The following KCNN3 variants were observed in gnomAD, a reference collection of about 807,000 sequenced individuals.
KCNN3 encodes potassium calcium-activated channel subfamily N member 3, also known as small conductance calcium-activated potassium channel protein 3.
Under a neutral mutation model 62.9 loss-of-function variants are expected in KCNN3, and 16 were observed. The ratio of observed to expected loss-of-function variants is 0.25; its 90% CI spans 0.17 to 0.39. The LOEUF is 0.39. Ranked by LOEUF, KCNN3 falls within the 10% of genes least tolerant of loss-of-function variation. KCNN3 has a pLI of 1.00. For synonymous variants in KCNN3, 370 were observed against 389.2 expected (o/e 0.95, Z 0.58); for missense variants, 599 against 949.4 (o/e 0.63, Z 4.85).
intron 2 of KCNN3, among the ~76,000 whole-genome samples, chr1:154,804,396 G>T (rs1268079867): frequency 1.3e-5 from 2 of 152,228 alleles, no homozygotes; most frequent in Non-Finnish European, 2.9e-5. Flanking sequence ...TTCATGATAT[G>T]CCTTCACGAC....
At chr1:154,784,061 C>T (rs1649174600) in intron 2 of KCNN3, among the ~76,000 whole-genome samples, 1 of 152,116 alleles carries the variant, frequency 6.6e-6, no homozygotes, top group Admixed American at 6.5e-5. Context: ...TCCAAGCCCC[C>T]AGAGACCAGT....
chr1:154,751,053 G>C (rs188063878), intron 3 of KCNN3, among the ~76,000 whole-genome samples: 3 of 152,296 alleles, frequency 2.0e-5, no homozygotes, highest in Non-Finnish European at 1.5e-5. Flanking sequence ...CTGGGCATCT[G>C]GTGCACTTCT....
chr1:154,863,747 C>T (rs1652855193), intron 1 of KCNN3, among the ~76,000 whole-genome samples: 1 of 152,226 alleles, frequency 6.6e-6, no homozygotes, highest in South Asian at 2.1e-4. Context: ...GCATCAGCCG[C>T]CTTTCTACTT....
At chr1:154,727,598 A>G (rs1700498055) in intron 4 of KCNN3, among the ~76,000 whole-genome samples, 3 of 152,228 alleles carry the variant, frequency 2.0e-5, no homozygotes, top group Admixed American at 6.5e-5. Context: ...GCCTTGTCAC[A>G]AAGTGAAAAG....
chr1:154,833,364 C>T (rs1571320862), intron 1 of KCNN3, among the ~76,000 whole-genome samples: 1 of 152,336 alleles, frequency 6.6e-6, no homozygotes, highest in Admixed American at 6.5e-5. Flanking sequence ...GGAGGCTGTT[C>T]TGGAGTTTCC....
intron 1 of KCNN3, among the ~76,000 whole-genome samples, chr1:154,854,160 G>A (rs549297511): frequency 2.6e-5 from 4 of 152,208 alleles, no homozygotes; most frequent in African/African-American, 7.2e-5. Context: ...GCGTGAACCC[G>A]GGAGGCGGAG....
chr1:154,748,546 C>A (rs1357348563), intron 3 of KCNN3, among the ~76,000 whole-genome samples: 2 of 152,204 alleles, frequency 1.3e-5, no homozygotes, highest in East Asian at 1.9e-4. Flanking sequence ...GAAGAGATAA[C>A]AATAATCACT....
intron 5 of KCNN3, among the ~76,000 whole-genome samples, chr1:154,724,859 C>CTTT (rs11362418): frequency 7.2e-6 from 1 of 138,438 alleles, no homozygotes; most frequent in Non-Finnish European, 1.6e-5. Flanking sequence ...TAGAATGATT[C>CTTT]TTTTTTTTTT....
Position 154,725,954 on chromosome 1 carries a change from C to T in KCNN3, c.1663G>A (p.Val555Ile). ...KLELTKAEKH[V>I]HNFMMDTQLT... ...TGAGTGTCCATCATGAAGTTATGAA[C>T]GTGCTTCTCCGCTTTGGTGAGTTCC... Residue 555 changes from valine to isoleucine, a missense_variant, in exon 5 of 8, where the codon GTT (valine) becomes ATT (isoleucine). Val to Ile is a conservative substitution (Grantham distance 29). Coordinates refer to ENST00000271915, the MANE Select transcript of KCNN3 (RefSeq NM_002249.6). 1 of 1,614,176 alleles carries T rather than the reference C, an allele frequency of 6.2e-7. No homozygotes were observed.
In KCNN3 at chr1:154,761,010, C is replaced by T. The variant is rs559165765; in HGVS notation, c.1448+10965G>A. The stretch of plus-strand genomic sequence containing the variant: ...AAACTGAGCCATTCAGCTTTACTTT[C>T]CACCCCGCGTTGATGTAAAACATGA... On this transcript the variant is annotated intron_variant, in intron 3 of 7. Coordinates refer to ENST00000271915, the MANE Select transcript of KCNN3 (RefSeq NM_002249.6). 1.1e-4 allele frequency among the ~76,000 whole-genome samples: 17 copies of T among 152,372 alleles called. 1 individual carries two copies. In the South Asian group the frequency reaches 2.9e-3, roughly 26 times the overall value.
intron 2 of KCNN3, among the ~76,000 whole-genome samples, chr1:154,797,663 G>T (rs954785): frequency 0.79 from 120,300 of 152,156 alleles, 47,842 homozygotes; most frequent in East Asian, 0.99. Context: ...CTGTTCATTA[G>T]TGTGTCCCCA....
chr1:154,842,849 G>T (rs931837648), intron 1 of KCNN3, among the ~76,000 whole-genome samples: 1 of 152,182 alleles, frequency 6.6e-6, no homozygotes, highest in Non-Finnish European at 1.5e-5. Context: ...GTCTGCAGAA[G>T]GGGCTTTGGA....
intron 1 of KCNN3, among the ~76,000 whole-genome samples, chr1:154,849,737 G>A (rs961571571): frequency 2.0e-5 from 3 of 152,182 alleles, no homozygotes; most frequent in African/African-American, 4.8e-5. Flanking sequence ...CTCCATTTTC[G>A]CATTCATCCT....
At chr1:154,804,516 C>T (rs1328435477) in intron 2 of KCNN3, among the ~76,000 whole-genome samples, 1 of 152,188 alleles carries the variant, frequency 6.6e-6, no homozygotes, top group Non-Finnish European at 1.5e-5. Flanking sequence ...TATTTGACTC[C>T]TTCCCTTCTC....
At chr1:154,859,892 C>G (rs959713568) in intron 1 of KCNN3, 3 of 1,442,410 alleles carry the variant, frequency 2.1e-6, no homozygotes, top group South Asian at 2.7e-5. Flanking sequence ...AAATGCCCAA[C>G]AAGCTGACTC....
At position 154,708,037 on chromosome 1, in the gene KCNN3, C is replaced by A; in HGVS notation, c.2135G>T (p.Ser712Ile). 6.2e-7 allele frequency: 1 copy of A among 1,613,272 alleles called. No homozygotes were observed. The highest frequency in any genetic ancestry group is 1.1e-5 in the South Asian group (1 of 90,948). The change falls in exon 8 of 8, where the codon AGC (serine) becomes ATC (isoleucine). Residue 712 changes from serine to isoleucine, a missense_variant. By Grantham distance (142) the Ser-to-Ile change is moderately radical. This residue lies in a region of KCNN3 where 52 missense variants were observed against 53.3 expected (regional missense o/e 0.98). Coordinates refer to ENST00000271915, the MANE Select transcript of KCNN3 (RefSeq NM_002249.6). ...GGAGGTGGAGCTGACCCCAATGGGG[C>A]TATCGGAGATTGGGGTGTGGGTGGT... ...VGTTHTPISDSPIGVSSTSFP... is the reference protein window; with the variant it reads ...VGTTHTPISDIPIGVSSTSFP...
At chr1:154,806,774 G>T (rs1650188336) in intron 2 of KCNN3, among the ~76,000 whole-genome samples, 1 of 152,132 alleles carries the variant, frequency 6.6e-6, no homozygotes, top group Non-Finnish European at 1.5e-5. Context: ...GGTGCCCAAT[G>T]AATAAATCTT....
chr1:154,780,261 C>T (rs983446953), intron 2 of KCNN3, among the ~76,000 whole-genome samples: 6 of 133,594 alleles, frequency 4.5e-5, no homozygotes, highest in African/African-American at 1.7e-4. Context: ...ACTCGTTTTT[C>T]CCCCCATTCT....
intron 2 of KCNN3, among the ~76,000 whole-genome samples, chr1:154,815,275 GGT>G (rs1650614529): frequency 6.6e-6 from 1 of 152,218 alleles, no homozygotes; most frequent in South Asian, 2.1e-4. Flanking sequence ...CTACCTGGGG[GGT>G]TTGGGCAGCC....
Sources: gnomAD v4.1 joint callset for allele counts (sites outside exome capture counted in the v4.1 genomes callset) on GRCh38, gnomAD v4.1.1 for gene constraint, gnomAD v4.1.1 regional missense constraint, MANE v1.5 for transcripts, NCBI Gene and HGNC (gene_info 2026-07-23, HGNC 2026-07-21) for gene names.